The following CTNNA3 variants were observed in gnomAD, a reference collection of about 807,000 sequenced individuals.
The protein encoded by CTNNA3 is catenin alpha-3.
A neutral mutation model predicts 95.7 loss-of-function variants in CTNNA3; 76 were observed. That is an observed-to-expected ratio of 0.79 (90% CI 0.66 to 0.96). The LOEUF is 0.96. CTNNA3 is among the 40% of genes least tolerant of loss of function. The probability of loss-of-function intolerance (pLI) is 0.00; values close to 1 mark genes in which losing one functional copy is unlikely to be tolerated. For missense variants in CTNNA3, 1,191 were observed against 1,089.8 expected, an observed-to-expected ratio of 1.09 and a Z score of -1.31; for synonymous variants, 431 against 374.4, an observed-to-expected ratio of 1.15 and a Z score of -1.74.
At chr10:66,151,726 C>T (rs2084210735) in intron 13 of CTNNA3, among the ~76,000 whole-genome samples, 1 of 151,908 alleles carries the variant, frequency 6.6e-6, no homozygotes, top group Non-Finnish European at 1.5e-5. Context: ...CATGCACCTT[C>T]CTAATAACTT....
intron 16 of CTNNA3, among the ~76,000 whole-genome samples, chr10:65,973,138 G>T (rs774024314): frequency 6.6e-5 from 10 of 152,112 alleles, no homozygotes; most frequent in Non-Finnish European, 1.2e-4. Flanking sequence ...TGTGACAGCT[G>T]GCTAGCCAAA....
In CTNNA3 at chr10:66,483,366, C is replaced by CTTT. The variant is rs34940403; in HGVS notation, c.1531+37248_1531+37250dup. Among the ~76,000 whole-genome samples, 5 of 150,894 alleles carry CTTT rather than the reference C, an allele frequency of 3.3e-5. No individual in the cohort carries two copies. In the South Asian group the frequency reaches 8.4e-4, roughly 25 times the overall value. On this transcript the variant is annotated intron_variant, in intron 11 of 17. Transcript: ENST00000433211. The stretch of plus-strand genomic sequence containing the variant: ...AGATGAAGTGGCCAAGAAAACTTGG[C>CTTT]TTTTTTTTTATCATTATTATAGATG...
chr10:66,639,257 G>A (rs1394079261), intron 9 of CTNNA3, among the ~76,000 whole-genome samples: 1 of 152,018 alleles, frequency 6.6e-6, no homozygotes, highest in African/African-American at 2.4e-5. Context: ...GAGTTACAGT[G>A]AGTATTTAAG....
chr10:67,182,545 G>A (rs1188716488), intron 6 of CTNNA3, among the ~76,000 whole-genome samples: 3 of 151,892 alleles, frequency 2.0e-5, no homozygotes, highest in Non-Finnish European at 4.4e-5. Context: ...ATTCAAGAAG[G>A]ATTAAAGACT....
intron 13 of CTNNA3, among the ~76,000 whole-genome samples, chr10:66,168,913 T>C (rs2085277869): frequency 6.6e-6 from 1 of 152,172 alleles, no homozygotes; most frequent in Non-Finnish European, 1.5e-5. Flanking sequence ...AGATATGATT[T>C]CTTCCCTCAC....
At chr10:66,515,345 C>CTCTCTATATATATATATA (rs558913767) in intron 11 of CTNNA3, among the ~76,000 whole-genome samples, 4 of 148,984 alleles carry the variant, frequency 2.7e-5, no homozygotes, top group Non-Finnish European at 5.9e-5. Context: ...CTCTCTCTCT[C>CTCTCTATATATATATATA]TATATATATA....
intron 12 of CTNNA3, among the ~76,000 whole-genome samples, chr10:66,299,070 T>C (rs1276044723): frequency 1.3e-5 from 2 of 152,182 alleles, no homozygotes; most frequent in Admixed American, 6.5e-5. Context: ...GCCTATGACC[T>C]AGAAGCCCCC....
At chr10:67,005,682 C>CTTATTTTTTTTTTTTTTTTT (rs1851927171) in intron 7 of CTNNA3, among the ~76,000 whole-genome samples, 1 of 61,976 alleles carries the variant, frequency 1.6e-5, no homozygotes, top group Non-Finnish European at 2.9e-5. Flanking sequence ...TTTACTCCAT[C>CTTATTTTTTTTTTTTTTTTT]TTTTTTTTTT....
intron 11 of CTNNA3, among the ~76,000 whole-genome samples, chr10:66,480,712 G>C (rs12256886): frequency 0.062 from 9,392 of 151,978 alleles, 604 homozygotes; most frequent in African/African-American, 0.16. Flanking sequence ...TCAGCTGATT[G>C]TCCTGCCTCA....
intron 8 of CTNNA3, 53 bp from the exon 9 acceptor site, chr10:66,766,469 T>G: frequency 2.0e-6 from 3 of 1,499,904 alleles, no homozygotes; most frequent in Non-Finnish European, 2.7e-6. Context: ...TAGTTCACTG[T>G]GTTTCCTTTT....
In CTNNA3 at chr10:65,913,473, A is replaced by C. The variant is rs959148147; in HGVS notation, c.*6857T>G. ...TTAGGTCTAAGGAAATTTTCTTTGG[A>C]GGGACTGTACCACATGAGAAAAATT... On this transcript the variant is annotated 3_prime_UTR_variant, in exon 18 of 18. Transcript: ENST00000433211. The C allele has an allele frequency of 1.3e-5, 2 of 152,096 alleles. No individual in the cohort carries two copies. The highest frequency in any genetic ancestry group is 4.8e-5 in the African/African-American group (2 of 41,412). 9.4% of individuals were successfully genotyped at this position (152,096 alleles called of 1,614,324 possible). A position where few individuals can be genotyped will look rare whatever the true frequency, so the allele number is the denominator to read the frequency against.
chr10:66,820,689 G>A (rs77954389), intron 7 of CTNNA3, among the ~76,000 whole-genome samples: 1,847 of 150,824 alleles, frequency 0.012, 47 homozygotes, highest in African/African-American at 0.042. Flanking sequence ...TATTGGTGAC[G>A]GGATCATGAG....
Position 67,007,400 on chromosome 10 carries a change from CTT to C in CTNNA3, c.1047+172915_1047+172916del, listed in dbSNP as rs552186162. Among the ~76,000 whole-genome samples, 76 of 146,122 alleles carry C rather than the reference CTT, an allele frequency of 5.2e-4. 1 individual carries two copies. Among genetic ancestry groups the C allele is most frequent in the Middle Eastern group, 7.1e-3 (2 of 280 alleles). On this transcript the variant is annotated intron_variant, in intron 7 of 17. Coordinates refer to ENST00000433211, the MANE Select transcript of CTNNA3 (RefSeq NM_013266.4). ...CAACTTTTTATTGGCTTCAATCTGA[CTT>C]TTTTTTTTTAACATAAAATAGCCCT... is the stretch of plus-strand genomic sequence containing the variant.
intron 11 of CTNNA3, among the ~76,000 whole-genome samples, chr10:66,461,789 G>C (rs903263880): frequency 6.7e-6 from 1 of 149,558 alleles, no homozygotes; most frequent in Non-Finnish European, 1.5e-5. Context: ...TTCTACTGCT[G>C]AAGTAATATC....
At chr10:67,314,797 T>C (rs1840972453) in intron 5 of CTNNA3, among the ~76,000 whole-genome samples, 1 of 152,230 alleles carries the variant, frequency 6.6e-6, no homozygotes, top group Admixed American at 6.5e-5. Context: ...TTTATTATTG[T>C]TTAAAAAGTA....
intron 12 of CTNNA3, among the ~76,000 whole-genome samples, chr10:66,345,208 A>C (rs1020325062): frequency 2.6e-5 from 4 of 152,160 alleles, no homozygotes; most frequent in African/African-American, 9.6e-5. Context: ...ATGGGAACAA[A>C]GCAAGATGCC....
At chr10:66,334,814 A>G (rs992139856) in intron 12 of CTNNA3, among the ~76,000 whole-genome samples, 2 of 151,990 alleles carry the variant, frequency 1.3e-5, no homozygotes, top group African/African-American at 2.4e-5. Context: ...CCTGGATAAT[A>G]TCTTGCAGTG....
At chr10:67,240,959 A>T (rs1253752776) in intron 5 of CTNNA3, among the ~76,000 whole-genome samples, 1 of 152,186 alleles carries the variant, frequency 6.6e-6, no homozygotes. Context: ...TATATCTCAA[A>T]ATAAATGGTA....
intron 13 of CTNNA3, among the ~76,000 whole-genome samples, chr10:66,127,945 G>A (rs1250936975): frequency 2.0e-5 from 3 of 152,044 alleles, no homozygotes; most frequent in South Asian, 2.1e-4. Context: ...AGTGGCAGAC[G>A]CCTGTAATCC....
Sources: gnomAD v4.1 joint callset for allele counts (sites outside exome capture counted in the v4.1 genomes callset) on GRCh38, gnomAD v4.1.1 for gene constraint, MANE v1.5 for transcripts, NCBI Gene and HGNC (gene_info 2026-07-23, HGNC 2026-07-21) for gene names.